FNBP1: variants seen among roughly 807,000 people sequenced by gnomAD.
FNBP1 encodes formin-binding protein 1.
In FNBP1, 26 loss-of-function variants were observed where a neutral mutation model predicts 90.6. That is an observed-to-expected ratio of 0.29 (90% CI 0.21 to 0.40). FNBP1 has a LOEUF of 0.40. Ranked by LOEUF, FNBP1 falls within the 10% of genes least tolerant of loss-of-function variation. FNBP1 has a pLI of 1.00. For missense variants in FNBP1, 635 were observed against 768.0 expected (o/e 0.83, Z 2.05); for synonymous variants, 260 against 265.2 (o/e 0.98, Z 0.19).
At position 129,895,974 on chromosome 9, in the gene FNBP1, G is replaced by A. The variant is rs987437864; in HGVS notation, c.1710C>T (p.Ser570=). Residue 570 remains serine, a synonymous_variant, in exon 16 of 17, where the codon TCC becomes TCT. Coordinates refer to ENST00000446176, the MANE Select transcript of FNBP1 (RefSeq NM_015033.3). ...TFEGQNEGTI[S]VVEGETLYVI... The stretch of plus-strand genomic sequence containing the variant: ...CATACAATGTTTCTCCTTCAACTAC[G>A]GAAATCGTTCCTTCATTCTGACCTG... 6.8e-6 allele frequency: 11 copies of A among 1,609,056 alleles called. No homozygotes were observed. The highest frequency in any genetic ancestry group is 5.4e-5 in the African/African-American group (4 of 74,526).
intron 6 of FNBP1, among the ~76,000 whole-genome samples, chr9:129,937,517 G>A (rs919853886): frequency 6.6e-6 from 1 of 152,064 alleles, no homozygotes; most frequent in South Asian, 2.1e-4. Context: ...CGGATCATGA[G>A]GCCAGGAGTT....
At chr9:129,908,310 C>T (rs1333343338) in intron 12 of FNBP1, among the ~76,000 whole-genome samples, 1 of 149,024 alleles carries the variant, frequency 6.7e-6, no homozygotes, top group African/African-American at 2.5e-5. Context: ...CTCAGGTGAT[C>T]CTTCCACTTC....
At chr9:130,005,132 A>T (rs181510633) in intron 1 of FNBP1, among the ~76,000 whole-genome samples, 1 of 149,372 alleles carries the variant, frequency 6.7e-6, no homozygotes, top group Admixed American at 6.7e-5. Context: ...GCTACTCAGG[A>T]GGCTGAGGCA....
At chr9:130,053,455 G>C in the FNBP1 span, 1 of 170,544 alleles carries the variant, frequency 5.9e-6, no homozygotes, top group Non-Finnish European at 1.3e-5. Context: ...TTGTATTTGA[G>C]TGTGAAGCGC....
intron 1 of FNBP1, among the ~76,000 whole-genome samples, chr9:130,038,368 A>G (rs2059527697): frequency 6.6e-6 from 1 of 150,982 alleles, no homozygotes; most frequent in Non-Finnish European, 1.5e-5. Context: ...CAAAAAAAAA[A>G]AAAAAAGACA....
the FNBP1 span, among the ~76,000 whole-genome samples, chr9:130,053,159 GT>G: frequency 2.0e-5 from 3 of 152,134 alleles, no homozygotes; most frequent in Non-Finnish European, 2.9e-5. Context: ...AGCAAAGAAA[GT>G]TTCCATACAG....
intron 1 of FNBP1, among the ~76,000 whole-genome samples, chr9:130,020,935 C>T (rs2057769689): frequency 6.6e-6 from 1 of 151,984 alleles, no homozygotes; most frequent in Non-Finnish European, 1.5e-5. Flanking sequence ...ATCACTGAAA[C>T]GAACTGAAAT....
At chr9:130,049,034 C>A in the FNBP1 span, among the ~76,000 whole-genome samples, 1 of 152,104 alleles carries the variant, frequency 6.6e-6, no homozygotes. Flanking sequence ...CCGCCTCGGC[C>A]TCCCAAAGTG....
intron 6 of FNBP1, among the ~76,000 whole-genome samples, chr9:129,955,822 C>T (rs1377268941): frequency 4.6e-5 from 6 of 130,548 alleles, no homozygotes; most frequent in Middle Eastern, 3.6e-3. Context: ...TACATATATA[C>T]TTCTTTTAGC....
chr9:129,959,093 A>T (rs964349549), intron 4 of FNBP1, among the ~76,000 whole-genome samples: 2 of 151,566 alleles, frequency 1.3e-5, no homozygotes, highest in Non-Finnish European at 2.9e-5. Context: ...GGGGAAAAAA[A>T]GCAGTCACAG....
In FNBP1 at chr9:130,043,033, C is replaced by T; in HGVS notation, c.-58G>A. 2 of 1,221,340 alleles carry T rather than the reference C, an allele frequency of 1.6e-6. No homozygotes were observed. Among genetic ancestry groups the T allele is most frequent in the East Asian group, 3.2e-5 (1 of 31,210 alleles). The allele number at this position is 1,221,340 out of a possible 1,614,324, so 75.7% of individuals were successfully genotyped here. On this transcript the variant is annotated 5_prime_UTR_variant, in exon 1 of 17. Coordinates refer to ENST00000446176, the MANE Select transcript of FNBP1 (RefSeq NM_015033.3). ...GCGGGCGCGGCTCTCTGGTCCCCCT[C>T]CCCGGCGATCCCTTTGCCCCCCGAG... is the stretch of plus-strand genomic sequence containing the variant.
intron 1 of FNBP1, among the ~76,000 whole-genome samples, chr9:130,007,835 G>A (rs2055988599): frequency 6.6e-6 from 1 of 151,962 alleles, no homozygotes; most frequent in African/African-American, 2.4e-5. Context: ...GGCCAAAATG[G>A]CAAAACCCCG....
In FNBP1 at chr9:129,939,411, T is replaced by TATGTTATCAC. The variant is rs1379864014; in HGVS notation, c.514-9726_514-9717dup. Among the ~76,000 whole-genome samples, 13 of 151,932 alleles carry TATGTTATCAC rather than the reference T, an allele frequency of 8.6e-5. No individual in the cohort carries two copies. The South Asian group carries it at 1.2e-3, about 15-fold the overall frequency. On this transcript the variant is annotated intron_variant, in intron 6 of 16. Transcript: ENST00000446176. ...TCCCGAAAAATAAAAAAATCTTGCA[T>TATGTTATCAC]ATGTTATCACATGTTATTCAGTAAT...
At chr9:129,935,838 T>C (rs1431874290) in intron 6 of FNBP1, among the ~76,000 whole-genome samples, 1 of 152,166 alleles carries the variant, frequency 6.6e-6, no homozygotes, top group African/African-American at 2.4e-5. Context: ...TTTAACTAGA[T>C]GAGCAAATAT....
intron 1 of FNBP1, among the ~76,000 whole-genome samples, chr9:130,015,853 T>G (rs552496229): frequency 6.6e-6 from 1 of 152,280 alleles, no homozygotes; most frequent in East Asian, 1.9e-4. Context: ...TTTTGTATCT[T>G]TTGTAGAGAT....
At chr9:130,046,940 AAGG>A (rs199815549), upstream of FNBP1, among the ~76,000 whole-genome samples, 224 of 152,224 alleles carry the variant, frequency 1.5e-3, 5 homozygotes, top group East Asian at 0.041. Context: ...TAAACCCAAA[AAGG>A]AGGACTTGAG....
At chr9:130,012,521 T>C (rs1167653239) in intron 1 of FNBP1, among the ~76,000 whole-genome samples, 2 of 152,192 alleles carry the variant, frequency 1.3e-5, no homozygotes, top group Admixed American at 6.5e-5. Context: ...CAAAAACTTA[T>C]TCCAGGTGGA....
intron 6 of FNBP1, among the ~76,000 whole-genome samples, chr9:129,931,053 C>T (rs1364691887): frequency 6.6e-6 from 1 of 152,076 alleles, no homozygotes; most frequent in African/African-American, 2.4e-5. Context: ...CCTGCAATCC[C>T]AGCTCTATGG....
chr9:129,895,655 T>C (rs1218814453), intron 16 of FNBP1, 183 bp downstream of exon 16: 1 of 1,259,496 alleles, frequency 7.9e-7, no homozygotes, highest in Non-Finnish European at 1.0e-6. Flanking sequence ...CAGCCCAAAC[T>C]AGACAAGGCA....
Sources: allele counts gnomAD v4.1 joint callset (sites outside exome capture counted in the v4.1 genomes callset), GRCh38; gene constraint gnomAD v4.1.1; transcripts MANE v1.5; gene names NCBI Gene and HGNC (gene_info 2026-07-23, HGNC 2026-07-21).